TENM4: variants seen among roughly 807,000 people sequenced by gnomAD.
TENM4 encodes teneurin-4.
In TENM4, 82 loss-of-function variants were observed where a neutral mutation model predicts 243.3. The observed-to-expected ratio is 0.34, with a 90% confidence interval of 0.28 to 0.40. TENM4 has a LOEUF of 0.40. Ranked by LOEUF, TENM4 falls within the 10% of genes least tolerant of loss-of-function variation. TENM4 has a pLI of 1.00. For missense variants in TENM4, 3,138 were observed against 3,673.3 expected (o/e 0.85, Z 3.77); for synonymous variants, 1,412 against 1,456.3 (o/e 0.97, Z 0.69).
intron 6 of TENM4, among the ~76,000 whole-genome samples, chr11:78,994,557 C>T (rs1165072003): frequency 6.6e-6 from 1 of 152,196 alleles, no homozygotes; most frequent in African/African-American, 2.4e-5. Flanking sequence ...TAGCTTTGTG[C>T]TGCCTTTTAT....
At chr11:78,948,535 G>C (rs760976849) in intron 6 of TENM4, among the ~76,000 whole-genome samples, 9 of 152,088 alleles carry the variant, frequency 5.9e-5, no homozygotes, top group Non-Finnish European at 1.0e-4. Flanking sequence ...ACCGCGCCTG[G>C]CTAATTTTTG....
intron 6 of TENM4, among the ~76,000 whole-genome samples, chr11:79,060,972 G>C (rs139766918): frequency 4.6e-5 from 7 of 152,266 alleles, no homozygotes; most frequent in African/African-American, 9.6e-5. Context: ...GGGCCCAGGG[G>C]TTTGTTGAGG....
intron 6 of TENM4, among the ~76,000 whole-genome samples, chr11:78,921,934 T>C (rs912093151): frequency 6.6e-6 from 1 of 152,186 alleles, no homozygotes; most frequent in Non-Finnish European, 1.5e-5. Context: ...ATAGCACGAA[T>C]GTCATCTCTA....
chr11:78,665,039 T>C (rs1858119669), intron 32 of TENM4, among the ~76,000 whole-genome samples: 1 of 152,316 alleles, frequency 6.6e-6, no homozygotes, highest in Admixed American at 6.5e-5. Flanking sequence ...GAAGTAGATA[T>C]TTCCCTCAAG....
intron 6 of TENM4, among the ~76,000 whole-genome samples, chr11:78,947,974 A>G (rs1857036014): frequency 6.6e-6 from 1 of 152,164 alleles, no homozygotes; most frequent in Admixed American, 6.5e-5. Flanking sequence ...GTGGGCTCTC[A>G]TGAAAAAAAG....
intron 1 of TENM4, among the ~76,000 whole-genome samples, chr11:79,305,531 C>T (rs1235090567): frequency 6.6e-6 from 1 of 152,124 alleles, no homozygotes; most frequent in African/African-American, 2.4e-5. Flanking sequence ...GACTCATGAG[C>T]ACAATCTTTT....
intron 1 of TENM4, among the ~76,000 whole-genome samples, chr11:79,358,793 C>T (rs1452727569): frequency 6.6e-6 from 1 of 150,760 alleles, no homozygotes; most frequent in East Asian, 2.0e-4. Flanking sequence ...TTCTTAGCTT[C>T]CTCTCTCCCT....
intron 6 of TENM4, among the ~76,000 whole-genome samples, chr11:78,957,475 T>C (rs763399329): frequency 6.6e-6 from 1 of 152,242 alleles, no homozygotes; most frequent in Non-Finnish European, 1.5e-5. Flanking sequence ...GGACTCTGAA[T>C]AGGTTCTCAA....
chr11:79,208,244 A>G (rs1215736744), intron 3 of TENM4, among the ~76,000 whole-genome samples: 1 of 152,238 alleles, frequency 6.6e-6, no homozygotes, highest in Admixed American at 6.5e-5. Context: ...ATTGCTACAT[A>G]GTATTAAGCA....
At position 79,069,786 on chromosome 11, in the gene TENM4, G is replaced by T; in HGVS notation, c.159C>A (p.Arg53=). ...CCTTGACGCGGCTGCCATAGGCTAGGCGGGCGTCCTGGTCGTAGGCCTTCA... is the reference window on the plus strand; with the variant it reads ...CCTTGACGCGGCTGCCATAGGCTAGTCGGGCGTCCTGGTCGTAGGCCTTCA... The part of the protein sequence containing the change: ...ETLKAYDQDA[R]LAYGSRVKDI... Residue 53 remains arginine, a synonymous_variant, in exon 5 of 34, where the codon CGC becomes CGA. Coordinates refer to ENST00000278550, the MANE Select transcript of TENM4 (RefSeq NM_001098816.3). 6.4e-7 allele frequency: 1 copy of T among 1,551,274 alleles called. No individual in the cohort carries two copies. The highest frequency in any genetic ancestry group is 8.7e-7 in the Non-Finnish European group (1 of 1,146,908).
chr11:79,348,989 G>C (rs776703017), intron 1 of TENM4, among the ~76,000 whole-genome samples: 54 of 152,178 alleles, frequency 3.5e-4, no homozygotes, highest in Non-Finnish European at 6.9e-4. Flanking sequence ...TAGAATGCTA[G>C]AGCTGGAAGG....
intron 1 of TENM4, among the ~76,000 whole-genome samples, chr11:79,417,536 T>C (rs1858844341): frequency 6.6e-6 from 1 of 151,954 alleles, no homozygotes; most frequent in Non-Finnish European, 1.5e-5. Context: ...AAGTTTCAAC[T>C]TCGCATTCTG....
chr11:79,335,266 C>T (rs1857128877), intron 1 of TENM4, among the ~76,000 whole-genome samples: 1 of 152,182 alleles, frequency 6.6e-6, no homozygotes, highest in Non-Finnish European at 1.5e-5. Flanking sequence ...TGGGGAAAGC[C>T]CCCTTCCCTT....
At chr11:78,963,095 G>A (rs1282636563) in intron 6 of TENM4, among the ~76,000 whole-genome samples, 1 of 152,202 alleles carries the variant, frequency 6.6e-6, no homozygotes, top group African/African-American at 2.4e-5. Flanking sequence ...TTGTTGACTA[G>A]CTTAATTCTA....
chr11:78,999,123 A>G (rs1428541825), intron 6 of TENM4, among the ~76,000 whole-genome samples: 2 of 152,214 alleles, frequency 1.3e-5, no homozygotes, highest in African/African-American at 2.4e-5. Context: ...CAGAAGCTGA[A>G]AAGTGACAAG....
intron 4 of TENM4, among the ~76,000 whole-genome samples, chr11:79,137,512 C>T (rs1289014988): frequency 6.6e-6 from 1 of 152,162 alleles, no homozygotes; most frequent in Non-Finnish European, 1.5e-5. Context: ...CCACAAGGTG[C>T]TTGCTGAAGG....
At chr11:78,729,272 T>A in intron 22 of TENM4, 104 bp downstream of exon 22, 1 of 1,263,110 alleles carries the variant, frequency 7.9e-7, no homozygotes, top group Admixed American at 2.6e-5. Context: ...AAGCCTTAGG[T>A]ATTTTTGATC....
Position 78,688,056 on chromosome 11 carries a change from T to C in TENM4, c.5258A>G (p.Gln1753Arg). 6.2e-7 allele frequency: 1 copy of C among 1,613,582 alleles called. No individual in the cohort carries two copies. The highest frequency in any genetic ancestry group is 8.5e-7 in the Non-Finnish European group (1 of 1,179,692). Residue 1753 changes from glutamine to arginine, a missense_variant and splice_region_variant, in exon 29 of 34, where the codon CAA becomes CGA. This residue lies in a region of TENM4 where 2,467 missense variants were observed against 3,059.1 expected (regional missense o/e 0.81). Coordinates refer to ENST00000278550, the MANE Select transcript of TENM4 (RefSeq NM_001098816.3). Reference sequence around the variant, plus strand: ...CCCCTGGCCCCCACCTGACTTACCTTGCAGCAGTGTGTAGAAGGCGCCTGA... The same window carrying C: ...CCCCTGGCCCCCACCTGACTTACCTCGCAGCAGTGTGTAGAAGGCGCCTGA... ...SASGAFYTLL[Q>R]DQVRNSYYIG...
At chr11:79,164,437 T>C (rs971022682) in intron 3 of TENM4, among the ~76,000 whole-genome samples, 8 of 138,074 alleles carry the variant, frequency 5.8e-5, no homozygotes, top group African/African-American at 2.2e-4. Flanking sequence ...TAGATATATA[T>C]GTACTATATA....
Sources: gnomAD v4.1 joint callset for allele counts (sites outside exome capture counted in the v4.1 genomes callset) on GRCh38, gnomAD v4.1.1 for gene constraint, gnomAD v4.1.1 regional missense constraint, MANE v1.5 for transcripts, NCBI Gene and HGNC (gene_info 2026-07-23, HGNC 2026-07-21) for gene names.